SMIM7: variants seen among roughly 807,000 people sequenced by gnomAD.
SMIM7 encodes the protein UPF0608 protein C19orf42.
Under a neutral mutation model 13.3 loss-of-function variants are expected in SMIM7, and 12 were observed. That is an observed-to-expected ratio of 0.90 (90% confidence interval 0.58 to 1.46). The LOEUF (loss-of-function observed/expected upper bound fraction) is 1.46, where lower values mean the gene tolerates loss of function less well. SMIM7 is among the 40% of genes most tolerant of loss of function. The probability of loss-of-function intolerance (pLI) is 0.00; values close to 1 mark genes in which losing one functional copy is unlikely to be tolerated. For missense variants in SMIM7, 114 were observed against 94.8 expected, an observed-to-expected ratio of 1.20 and a Z score of -0.84; for synonymous variants, 36 against 35.8, an observed-to-expected ratio of 1.01 and a Z score of -0.02.
intron 3 of SMIM7, 98 bp from the exon 4 acceptor site, chr19:16,654,223 T>C (rs2122541660): frequency 2.1e-6 from 2 of 931,046 alleles, no homozygotes; most frequent in Non-Finnish European, 3.4e-6. Context: ...ACCCGGCGCT[T>C]GCTGCCTCCA....
downstream of SMIM7, among the ~76,000 whole-genome samples, chr19:16,643,616 T>C (rs2086420968): frequency 6.6e-6 from 1 of 151,982 alleles, no homozygotes; most frequent in Non-Finnish European, 1.5e-5. Flanking sequence ...AGGCTGGTAT[T>C]GAACTCCTGG....
In SMIM7 at chr19:16,655,720, T is replaced by A. The variant is rs1051481861; in HGVS notation, c.122-1595A>T. ...AAAAAAAAAAAGAATGGCTCCAGAT[T>A]AGGTGATCTACAAGGGTGCTACCCG... On this transcript the variant is annotated intron_variant, in intron 3 of 4. Coordinates refer to ENST00000487416, the MANE Select transcript of SMIM7 (RefSeq NM_024104.4). Among the ~76,000 whole-genome samples the A allele has an allele frequency of 4.0e-4, 59 of 147,932 alleles. 1 individual carries two copies. The highest frequency in any genetic ancestry group is 2.4e-3 in the Admixed American group (36 of 14,876).
At chr19:16,659,682 G>A (rs1283983911) in intron 2 of SMIM7, 2 of 651,326 alleles carry the variant, frequency 3.1e-6, no homozygotes, top group East Asian at 2.7e-5. Context: ...GGTGCAGGGC[G>A]GAAGGTCCGC....
intron 4 of SMIM7, among the ~76,000 whole-genome samples, chr19:16,650,917 C>G (rs1247845297): frequency 2.0e-5 from 3 of 152,194 alleles, no homozygotes; most frequent in African/African-American, 7.2e-5. Context: ...CATTACACAG[C>G]TGAAGTTAGG....
rs2086457180 is a variant in SMIM7 at position 16,647,028 on chromosome 19, A to G, written c.*218T>C. On this transcript the variant is annotated 3_prime_UTR_variant, in exon 5 of 5. Transcript: ENST00000487416. ...TCCTGAAACCCTTTCAGTAGACAGC[A>G]TTTCAATTCAGAGACCAAAGTGAAA... 1.6e-6 allele frequency: 1 copy of G among 623,086 alleles called. No individual in the cohort carries two copies. The highest frequency in any genetic ancestry group is 2.0e-5 in the South Asian group (1 of 50,574). The allele number at this position is 623,086 out of a possible 1,614,324, so 38.6% of individuals were successfully genotyped here.
chr19:16,647,521 TCTCAGCTCGCTGCAAC>T (rs1317505888), intron 4 of SMIM7, among the ~76,000 whole-genome samples: 7 of 150,384 alleles, frequency 4.7e-5, no homozygotes, highest in Non-Finnish European at 1.0e-4. Flanking sequence ...AGTGGTGCGA[TCTCAGCTCGCTGCAAC>T]CTCTGCATCC....
chr19:16,651,023 T>C (rs967801568), intron 4 of SMIM7, among the ~76,000 whole-genome samples: 12 of 152,354 alleles, frequency 7.9e-5, no homozygotes, highest in Admixed American at 1.3e-4. Context: ...AGTGATGGTA[T>C]TGTGACAGCC....
At chr19:16,643,021 A>G (rs1056023743), downstream of SMIM7, among the ~76,000 whole-genome samples, 1 of 151,958 alleles carries the variant, frequency 6.6e-6, no homozygotes, top group African/African-American at 2.4e-5. Flanking sequence ...ACGGGGTTTC[A>G]TCGAACTCCT....
downstream of SMIM7, among the ~76,000 whole-genome samples, chr19:16,642,968 C>T (rs780712304): frequency 4.0e-4 from 61 of 151,870 alleles, no homozygotes; most frequent in Non-Finnish European, 7.5e-4. Context: ...GGATTACAGG[C>T]GTGCGCCACC....
chr19:16,647,758 C>T (rs2086469097), intron 4 of SMIM7, among the ~76,000 whole-genome samples: 1 of 151,970 alleles, frequency 6.6e-6, no homozygotes, highest in South Asian at 2.1e-4. Context: ...GCACAGCCAA[C>T]ACCACCACCC....
intron 3 of SMIM7, among the ~76,000 whole-genome samples, chr19:16,658,992 C>A (rs550215774): frequency 6.6e-6 from 1 of 152,074 alleles, no homozygotes; most frequent in Non-Finnish European, 1.5e-5. Context: ...CTCACACACA[C>A]GCTCAATTAA....
downstream of SMIM7, among the ~76,000 whole-genome samples, chr19:16,642,911 C>T (rs953530120): frequency 6.6e-6 from 1 of 151,616 alleles, no homozygotes; most frequent in African/African-American, 2.4e-5. Context: ...GCGACCTCCA[C>T]CTCCCAAGTT....
At chr19:16,647,300 G>A (rs2086461624) in intron 4 of SMIM7, 39 bp from the exon 5 acceptor site, 1 of 1,613,054 alleles carries the variant, frequency 6.2e-7, no homozygotes. Context: ...GTGAGGATAG[G>A]AGGTGACTGT....
intron 4 of SMIM7, chr19:16,640,410 T>C (rs1319216199): frequency 1.3e-5 from 2 of 152,164 alleles, no homozygotes; most frequent in African/African-American, 4.8e-5. Flanking sequence ...TTCATCAACA[T>C]AGGAAAACAT....
intron 4 of SMIM7, among the ~76,000 whole-genome samples, chr19:16,648,659 T>C (rs1288183944): frequency 2.0e-5 from 3 of 152,162 alleles, no homozygotes; most frequent in African/African-American, 7.2e-5. Context: ...AAATGGCCAA[T>C]AGGTACATGA....
At chr19:16,653,798 G>A (rs1445619004) in intron 4 of SMIM7, 4 of 493,864 alleles carry the variant, frequency 8.1e-6, no homozygotes, top group East Asian at 3.5e-5. Flanking sequence ...GGGAGGCTGA[G>A]GCAGGAGAAT....
At chr19:16,643,300 G>GAATAT (rs2086418095), downstream of SMIM7, among the ~76,000 whole-genome samples, 1 of 152,132 alleles carries the variant, frequency 6.6e-6, no homozygotes, top group Non-Finnish European at 1.5e-5. Context: ...ATGTACCTAG[G>GAATAT]GTGATGGTCT....
intron 3 of SMIM7, among the ~76,000 whole-genome samples, chr19:16,657,448 T>G (rs2086610628): frequency 1.3e-5 from 2 of 152,124 alleles, no homozygotes; most frequent in African/African-American, 4.8e-5. Flanking sequence ...GCTGAGTCAA[T>G]GTATGAATGG....
At chr19:16,652,356 T>G (rs2086537810) in intron 4 of SMIM7, 1 of 176,544 alleles carries the variant, frequency 5.7e-6, no homozygotes, top group African/African-American at 2.4e-5. Context: ...CAGGCGCCAC[T>G]ACACTCGGCT....
Sources: gnomAD v4.1 joint callset for allele counts (sites outside exome capture counted in the v4.1 genomes callset) on GRCh38, gnomAD v4.1.1 for gene constraint, MANE v1.5 for transcripts, NCBI Gene and HGNC (gene_info 2026-07-23, HGNC 2026-07-21) for gene names.